The following ASPG variants were observed in gnomAD, a reference collection of about 807,000 sequenced individuals.
The protein encoded by ASPG is asparaginase.
Under a neutral mutation model 63.2 loss-of-function variants are expected in ASPG, and 53 were observed. The ratio of observed to expected loss-of-function variants is 0.84; its 90% CI spans 0.67 to 1.05. ASPG has a LOEUF of 1.05. ASPG is among the 50% of genes least tolerant of loss of function. The probability of loss-of-function intolerance (pLI) is 0.00; values close to 1 mark genes in which losing one functional copy is unlikely to be tolerated. For missense variants in ASPG, 741 were observed against 794.4 expected (o/e 0.93, Z 0.81); for synonymous variants, 370 against 355.0 (o/e 1.04, Z -0.48).
At chr14:104,111,730 A>T in intron 14 of ASPG, 129 bp downstream of exon 14, 2 of 889,534 alleles carry the variant, frequency 2.2e-6, no homozygotes, top group Non-Finnish European at 3.5e-6. Context: ...GGCCCTCCCC[A>T]TGCAGGACCC....
chr14:104,112,171 A>G (rs895883181), intron 15 of ASPG, among the ~76,000 whole-genome samples, 171 bp downstream of exon 15: 2 of 152,082 alleles, frequency 1.3e-5, no homozygotes, highest in Admixed American at 1.3e-4. Flanking sequence ...AGGGTGGAAC[A>G]CAGTTTAGAG....
Position 104,113,016 on chromosome 14 carries a change from C to T in ASPG, c.*472C>T, listed in dbSNP as rs2037421045. On this transcript the variant is annotated 3_prime_UTR_variant, in exon 16 of 16. Coordinates refer to ENST00000551177, the MANE Select transcript of ASPG (RefSeq NM_001080464.3). ...TCATTCTGGAGCTTGAAGTCCCCTCCCCCAGGCAGCCCTCCAACCCCTGGA... is the reference window on the plus strand; with the variant it reads ...TCATTCTGGAGCTTGAAGTCCCCTCTCCCAGGCAGCCCTCCAACCCCTGGA... 2 of 222,804 alleles carry T rather than the reference C, an allele frequency of 9.0e-6. No homozygotes were observed. The highest frequency in any genetic ancestry group is 5.2e-5 in the Admixed American group (1 of 19,290). The allele number at this position is 222,804 out of a possible 1,614,324, so 13.8% of individuals were successfully genotyped here.
At position 104,107,266 on chromosome 14, in the gene ASPG, A is replaced by T. The variant is rs1387440285; in HGVS notation, c.1354A>T (p.Met452Leu). Residue 452 changes from methionine (M) to leucine (L), a missense_variant, in exon 12 of 16, where the codon ATG becomes TTG. Coordinates refer to ENST00000551177, the MANE Select transcript of ASPG (RefSeq NM_001080464.3). ...GGGAGGCCACACAGAGGCAGTCACCATGCTGCTGCAGAGAGGTGTGGACGT... is the reference window on the plus strand; with the variant it reads ...GGGAGGCCACACAGAGGCAGTCACCTTGCTGCTGCAGAGAGGTGTGGACGT... ...ARGGHTEAVT[M>L]LLQRGVDVNT... 1 of 1,609,492 alleles carries T rather than the reference A, an allele frequency of 6.2e-7. No individual in the cohort carries two copies. The highest frequency in any genetic ancestry group is 8.5e-7 in the Non-Finnish European group (1 of 1,177,928).
In ASPG at chr14:104,085,852, G is replaced by C; in HGVS notation, c.82G>C (p.Val28Leu). 1.3e-6 allele frequency: 2 copies of C among 1,583,712 alleles called. No homozygotes were observed. Among genetic ancestry groups the C allele is most frequent in the Non-Finnish European group, 1.7e-6 (2 of 1,171,508 alleles). ...CATTGGCATGCGGAGTGAGCTCGGC[G>C]GTGAGTCCGAGACCCTGGGCGGGGT... is the stretch of plus-strand genomic sequence containing the variant. ...GTIGMRSELG[V>L]LVPGTGLAAI... Residue 28 changes from valine to leucine, a missense_variant and splice_region_variant, in exon 1 of 16, where the codon GTG (valine) becomes CTG (leucine). By Grantham distance (32) the Val-to-Leu change is conservative. Transcript: ENST00000551177.
At chr14:104,090,928 C>T (rs1204165088) in intron 1 of ASPG, among the ~76,000 whole-genome samples, 2 of 152,134 alleles carry the variant, frequency 1.3e-5, no homozygotes, top group African/African-American at 2.4e-5. Flanking sequence ...TGCAGTGGTG[C>T]GATCTTGGCT....
At chr14:104,111,631 C>T (rs907418745) in intron 14 of ASPG, 30 bp downstream of exon 14, 1 of 1,529,478 alleles carries the variant, frequency 6.5e-7, no homozygotes, top group Non-Finnish European at 8.9e-7. Flanking sequence ...GCACCCTCTC[C>T]AAAGGCTGCC....
intron 1 of ASPG, among the ~76,000 whole-genome samples, chr14:104,088,787 C>T (rs1050544890): frequency 3.3e-5 from 5 of 152,102 alleles, no homozygotes; most frequent in Non-Finnish European, 7.4e-5. Flanking sequence ...CAGTGGGGCC[C>T]ATTGTCTTAG....
Position 104,095,512 on chromosome 14 carries a change from G to C in ASPG, c.304-19G>C, listed in dbSNP as rs374980859. 20 of 1,612,112 alleles carry C rather than the reference G, an allele frequency of 1.2e-5. No homozygotes were observed. In the African/African-American group the frequency reaches 2.3e-4, roughly 18 times the overall value. On this transcript the variant is annotated intron_variant, in intron 3 of 15. Coordinates refer to ENST00000551177, the MANE Select transcript of ASPG (RefSeq NM_001080464.3). ...GCTTGCGAGGGGCTGGCCTGCCTGA[G>C]CATGCGCCCCTCCTGCAGAGGCACT...
Position 104,091,033 on chromosome 14 carries a change from T to A in ASPG, c.83-1600T>A, listed in dbSNP as rs1392874742. On this transcript the variant is annotated intron_variant, in intron 1 of 15. Transcript: ENST00000551177. The surrounding 1 kb of genome is among the most constrained non-coding windows in gnomAD (Gnocchi z 6.4). The stretch of plus-strand genomic sequence containing the variant: ...GGCACCTGCCATCATGACCAGTTAA[T>A]TTTTGTATTATTCGTAAAGACAGGG... Among the ~76,000 whole-genome samples the A allele has an allele frequency of 6.6e-6, 1 of 152,128 alleles. No homozygotes were observed. Among genetic ancestry groups the A allele is most frequent in the Non-Finnish European group, 1.5e-5 (1 of 68,034 alleles).
intron 6 of ASPG, among the ~76,000 whole-genome samples, chr14:104,099,720 C>T (rs1326246479): frequency 2.6e-5 from 4 of 152,222 alleles, no homozygotes; most frequent in African/African-American, 9.6e-5. Flanking sequence ...GCAGCGGGAG[C>T]ATCCCCTCCC....
chr14:104,111,160 T>G (rs1018973277), intron 13 of ASPG: 6 of 985,228 alleles, frequency 6.1e-6, no homozygotes, highest in African/African-American at 1.7e-5. Context: ...CATGTGTGTG[T>G]GCACATATGC....
intron 6 of ASPG, among the ~76,000 whole-genome samples, chr14:104,101,813 C>T (rs1057275599): frequency 6.6e-6 from 1 of 152,210 alleles, no homozygotes; most frequent in Non-Finnish European, 1.5e-5. Context: ...GCTTTGAGGC[C>T]GCAGACTACA....
At position 104,101,585 on chromosome 14, in the gene ASPG, C is replaced by T. The variant is rs569430586; in HGVS notation, c.641-1978C>T. Among the ~76,000 whole-genome samples, 281 of 152,254 alleles carry T rather than the reference C, an allele frequency of 1.8e-3. 2 individuals carry two copies. Among genetic ancestry groups the T allele is most frequent in the African/African-American group, 6.0e-3 (248 of 41,546 alleles). On this transcript the variant is annotated intron_variant, in intron 6 of 15. Transcript: ENST00000551177. The stretch of plus-strand genomic sequence containing the variant: ...AATCCTGCACCCTTACCCTTCTGTG[C>T]TGAGCCCTGACCCCGGCCCACTCTG...
Position 104,107,241 on chromosome 14 carries a change from G to A in ASPG, c.1329G>A (p.Arg443=). ...NGQTPLHAAA[R]GGHTEAVTML... ...AAACCCCACTGCACGCGGCCGCCCG[G>A]GGAGGCCACACAGAGGCAGTCACCA... Residue 443 remains arginine (R), a synonymous_variant, in exon 12 of 16, where the codon CGG becomes CGA. Coordinates refer to ENST00000551177, the MANE Select transcript of ASPG (RefSeq NM_001080464.3). The A allele has an allele frequency of 6.2e-7, 1 of 1,607,630 alleles. No individual in the cohort carries two copies. Among genetic ancestry groups the A allele is most frequent in the Non-Finnish European group, 8.5e-7 (1 of 1,176,672 alleles).
chr14:104,085,954 C>A, intron 1 of ASPG, 102 bp downstream of exon 1: 1 of 1,112,022 alleles, frequency 9.0e-7, no homozygotes, highest in Non-Finnish European at 1.2e-6. Context: ...GTCAAATCCG[C>A]GCCTGGATGG....
At chr14:104,101,048 C>T (rs935845151) in intron 6 of ASPG, among the ~76,000 whole-genome samples, 6 of 152,362 alleles carry the variant, frequency 3.9e-5, no homozygotes, top group Middle Eastern at 3.4e-3. Context: ...CAAGACACAC[C>T]GGCCTCAGGC....
intron 6 of ASPG, among the ~76,000 whole-genome samples, chr14:104,099,715 G>A (rs180767577): frequency 1.3e-5 from 2 of 152,328 alleles, no homozygotes; most frequent in African/African-American, 2.4e-5. Context: ...CTGAGGCAGC[G>A]GGAGCATCCC....
rs2141062058 is a variant in ASPG at position 104,110,735 on chromosome 14, C to T, written c.1521-767C>T. On this transcript the variant is annotated intron_variant, in intron 13 of 15. Coordinates refer to ENST00000551177, the MANE Select transcript of ASPG (RefSeq NM_001080464.3). The surrounding 1 kb of genome is among the most constrained non-coding windows in gnomAD (Gnocchi z 4.7). ...CTCCAGAGGAGGGGGCAGCCCCTTCCTCACCAGGCCACTTCCCCCAGCCCC... is the reference window on the plus strand; with the variant it reads ...CTCCAGAGGAGGGGGCAGCCCCTTCTTCACCAGGCCACTTCCCCCAGCCCC... 1.0e-6 allele frequency: 1 copy of T among 985,374 alleles called. No homozygotes were observed. The highest frequency in any genetic ancestry group is 1.2e-6 in the Non-Finnish European group (1 of 829,874). 61.0% of individuals were successfully genotyped at this position (985,374 alleles called of 1,614,324 possible). A position where few individuals can be genotyped will look rare whatever the true frequency, so the allele number is the denominator to read the frequency against.
Position 104,107,290 on chromosome 14 carries a change from G to A in ASPG, c.1378G>A (p.Val460Met), listed in dbSNP as rs374170442. The A allele has an allele frequency of 5.2e-5, 83 of 1,607,592 alleles. No individual in the cohort carries two copies. The highest frequency in any genetic ancestry group is 6.6e-5 in the Non-Finnish European group (78 of 1,176,700). ...VTMLLQRGVD[V>M]NTRDTDGFSP... ...CATGCTGCTGCAGAGAGGTGTGGAC[G>A]TGAACACCCGGGACACGGATGGCTT... Residue 460 changes from valine to methionine, a missense_variant, in exon 12 of 16, where the codon GTG becomes ATG. Val to Met is a conservative substitution (Grantham distance 21, BLOSUM62 1). Coordinates refer to ENST00000551177, the MANE Select transcript of ASPG (RefSeq NM_001080464.3).
Sources: gnomAD v4.1 joint callset for allele counts (sites outside exome capture counted in the v4.1 genomes callset) on GRCh38, gnomAD v4.1.1 for gene constraint, Gnocchi (gnomAD v3.1) non-coding constraint, MANE v1.5 for transcripts, NCBI Gene and HGNC (gene_info 2026-07-23, HGNC 2026-07-21) for gene names.